CNOT1: variants seen among roughly 807,000 people sequenced by gnomAD.
CNOT1 encodes CCR4-associated factor 1.
Under a neutral mutation model 273.8 loss-of-function variants are expected in CNOT1, and 15 were observed. That is an observed-to-expected ratio of 0.05 (90% CI 0.04 to 0.08). The LOEUF (loss-of-function observed/expected upper bound fraction) is 0.08, where lower values mean the gene tolerates loss of function less well. CNOT1 is among the 10% of genes least tolerant of loss of function. The pLI, the probability that CNOT1 is intolerant of heterozygous loss-of-function variation, is 1.00. For synonymous variants in CNOT1, 1,022 were observed against 1,005.5 expected (o/e 1.02, Z -0.31); for missense variants, 1,644 against 2,912.2 (o/e 0.56, Z 10.02).
chr16:58,619,950 A>G (rs1338875557), intron 1 of CNOT1, among the ~76,000 whole-genome samples: 1 of 152,184 alleles, frequency 6.6e-6, no homozygotes, highest in Non-Finnish European at 1.5e-5. Context: ...ATATTCTAAA[A>G]TCCAATGCAC....
intron 8 of CNOT1, among the ~76,000 whole-genome samples, 195 bp downstream of exon 8, chr16:58,585,143 G>A (rs949850814): frequency 2.0e-5 from 3 of 152,294 alleles, no homozygotes; most frequent in African/African-American, 7.2e-5. Flanking sequence ...CTGGTGAGGG[G>A]AAGGAGATAA....
At chr16:58,587,173 C>A (rs746833023) in intron 6 of CNOT1, 28 bp downstream of exon 6, 2 of 1,608,610 alleles carry the variant, frequency 1.2e-6, no homozygotes, top group East Asian at 2.2e-5. Context: ...AGTCTCACTT[C>A]GTGATATTTT....
chr16:58,618,451 G>A (rs1260365163), intron 1 of CNOT1, among the ~76,000 whole-genome samples: 4 of 152,042 alleles, frequency 2.6e-5, no homozygotes, highest in Admixed American at 1.3e-4. Context: ...ACATGGTGGT[G>A]CACATCTGTA....
intron 2 of CNOT1, among the ~76,000 whole-genome samples, chr16:58,591,968 G>T (rs2042075420): frequency 6.6e-6 from 1 of 151,532 alleles, no homozygotes; most frequent in Non-Finnish European, 1.5e-5. Context: ...GTGGCTCCTA[G>T]ATCACAATGT....
In CNOT1 at chr16:58,563,797, C is replaced by G. The variant is rs539732417; in HGVS notation, c.1980-3435G>C. Among the ~76,000 whole-genome samples, 4 of 152,184 alleles carry G rather than the reference C, an allele frequency of 2.6e-5. No homozygotes were observed. The East Asian group carries it at 7.7e-4, about 29-fold the overall frequency. Reference sequence around the variant, plus strand: ...GCTGGTTTTACAAAATAGAAAAATCCCTATGGAGGAAAATTTTGCGATACC... The same window carrying G: ...GCTGGTTTTACAAAATAGAAAAATCGCTATGGAGGAAAATTTTGCGATACC... On this transcript the variant is annotated intron_variant, in intron 16 of 48. Coordinates refer to ENST00000317147, the MANE Select transcript of CNOT1 (RefSeq NM_016284.5).
At chr16:58,618,334 A>G (rs1004249541) in intron 1 of CNOT1, among the ~76,000 whole-genome samples, 1 of 152,100 alleles carries the variant, frequency 6.6e-6, no homozygotes, top group Non-Finnish European at 1.5e-5. Context: ...CTGTAATCCC[A>G]GTACTTTGGG....
intron 36 of CNOT1, among the ~76,000 whole-genome samples, chr16:58,538,492 C>T (rs1443189949): frequency 6.6e-6 from 1 of 152,184 alleles, no homozygotes. Context: ...AATACTTATA[C>T]ACGAATACCA....
chr16:58,535,880 C>T (rs965895043), intron 39 of CNOT1, among the ~76,000 whole-genome samples: 1 of 151,934 alleles, frequency 6.6e-6, no homozygotes, highest in African/African-American at 2.4e-5. Context: ...ACTACAGGCA[C>T]CCGCCACCAC....
intron 18 of CNOT1, among the ~76,000 whole-genome samples, chr16:58,558,002 AAAAC>A (rs2040694966): frequency 7.0e-6 from 1 of 141,890 alleles, no homozygotes; most frequent in Admixed American, 7.1e-5. Flanking sequence ...CACTACCCAA[AAAAC>A]AAACAAACGA....
Position 58,585,487 on chromosome 16 carries a change from A to G in CNOT1, c.657T>C (p.Cys219=), listed in dbSNP as rs1281254974. 1 of 1,612,454 alleles carries G rather than the reference A, an allele frequency of 6.2e-7. No individual in the cohort carries two copies. Among genetic ancestry groups the G allele is most frequent in the South Asian group, 1.1e-5 (1 of 90,878 alleles). The part of the protein sequence containing the change: ...TLRRDFPQER[C]PVVLAPLLYP... ...ATAAAAGTGGTGCGAGCACCACGGG[A>G]CAGCGTTCTTGGGGAAAATCTGAGA... Residue 219 remains cysteine (C), a synonymous_variant, in exon 8 of 49, where the codon TGT becomes TGC. Transcript: ENST00000317147.
chr16:58,598,943 C>T (rs1314550711), intron 2 of CNOT1: 8 of 283,338 alleles, frequency 2.8e-5, no homozygotes, highest in South Asian at 1.1e-4. Flanking sequence ...CCCAGCTACT[C>T]GGGAGGCTGA....
At chr16:58,578,969 C>A in intron 12 of CNOT1, 30 bp from the exon 13 acceptor site, 1 of 1,606,200 alleles carries the variant, frequency 6.2e-7, no homozygotes, top group South Asian at 1.1e-5. Context: ...CATGCTTTAT[C>A]AATGAAAATC....
rs559176441 is a variant in CNOT1, at chr16:58,554,185, ATAG to A, written c.2892-328_2892-326del. 2.6e-5 allele frequency among the ~76,000 whole-genome samples: 4 copies of A among 151,840 alleles called. No homozygotes were observed. The South Asian group carries it at 6.2e-4, about 24-fold the overall frequency. On this transcript the variant is annotated intron_variant, in intron 21 of 48. Transcript: ENST00000317147. The stretch of plus-strand genomic sequence containing the variant: ...GAAAAATAATTTGTAGTCAACTCAT[ATAG>A]TAGAATACTACACAGCTGTAAAAAA...
chr16:58,613,663 T>C lies in CNOT1; in HGVS notation c.-174-14152A>G, dbSNP rs1382357081. Among the ~76,000 whole-genome samples, 3 of 124,536 alleles carry C rather than the reference T, an allele frequency of 2.4e-5. 1 individual carries two copies. Among genetic ancestry groups the C allele is most frequent in the African/African-American group, 5.4e-5 (2 of 37,050 alleles). The allele number at this position is 124,536 out of a possible 152,430, so 81.7% of individuals were successfully genotyped here. ...CCCATAAATAATAGAAATTATCTATTGAGGGGAAAAAAACAGTCACGTAAC... is the reference window on the plus strand; with the variant it reads ...CCCATAAATAATAGAAATTATCTATCGAGGGGAAAAAAACAGTCACGTAAC... On this transcript the variant is annotated intron_variant, in intron 1 of 48. Transcript: ENST00000317147.
At chr16:58,620,056 G>A (rs1400350595) in intron 1 of CNOT1, among the ~76,000 whole-genome samples, 1 of 151,902 alleles carries the variant, frequency 6.6e-6, no homozygotes, top group Non-Finnish European at 1.5e-5. Context: ...ATGAAAAAAA[G>A]AAAAACCAGA....
intron 2 of CNOT1, among the ~76,000 whole-genome samples, chr16:58,598,272 C>T (rs1257413494): frequency 6.6e-6 from 1 of 151,898 alleles, no homozygotes; most frequent in Non-Finnish European, 1.5e-5. Context: ...ATGGTGTGTG[C>T]CTATAATCCC....
In CNOT1 at chr16:58,537,187, G is replaced by A; in HGVS notation, c.5448C>T (p.Asn1816=). Residue 1816 remains asparagine, a synonymous_variant, in exon 39 of 49, where the codon AAC becomes AAT. Coordinates refer to ENST00000317147, the MANE Select transcript of CNOT1 (RefSeq NM_016284.5). ...LPQLMEVVRS[N]YEAMIDRAHG... The stretch of plus-strand genomic sequence containing the variant: ...GAGCACGATCAATCATTGCTTCATA[G>A]TTGGATCGCACTACTTCCATCAGCT... 1.9e-6 allele frequency: 3 copies of A among 1,611,908 alleles called. No homozygotes were observed. Among genetic ancestry groups the A allele is most frequent in the Non-Finnish European group, 2.5e-6 (3 of 1,178,628 alleles).
chr16:58,525,087 A>G (rs1173618258), intron 46 of CNOT1, 92 bp downstream of exon 46: 3 of 1,187,698 alleles, frequency 2.5e-6, no homozygotes, highest in African/African-American at 1.5e-5. Flanking sequence ...TTCCTTCACT[A>G]TTGTGGCTTG....
intron 10 of CNOT1, among the ~76,000 whole-genome samples, chr16:58,582,118 A>C (rs1321659525): frequency 7.0e-6 from 1 of 142,470 alleles, no homozygotes; most frequent in African/African-American, 2.5e-5. Flanking sequence ...TCTCTACTAA[A>C]AATACAAAAA....
Sources: gnomAD v4.1 joint callset for allele counts (sites outside exome capture counted in the v4.1 genomes callset) on GRCh38, gnomAD v4.1.1 for gene constraint, MANE v1.5 for transcripts, NCBI Gene and HGNC (gene_info 2026-07-23, HGNC 2026-07-21) for gene names.